AGPAT3: variants seen among roughly 807,000 people sequenced by gnomAD.
The protein encoded by AGPAT3 is 1-acylglycerol-3-phosphate O-acyltransferase 3, also known as 1-acyl-sn-glycerol-3-phosphate acyltransferase gamma.
In AGPAT3, 5 loss-of-function variants were observed where a neutral mutation model predicts 47.3. The ratio of observed to expected loss-of-function variants is 0.11; its 90% CI spans 0.06 to 0.22. The LOEUF is 0.22. Ranked by LOEUF, AGPAT3 falls within the 10% of genes least tolerant of loss-of-function variation. The pLI is 1.00. For synonymous variants in AGPAT3, 212 were observed against 208.3 expected (o/e 1.02, Z -0.15); for missense variants, 315 against 493.0 (o/e 0.64, Z 3.42).
intron 3 of AGPAT3, among the ~76,000 whole-genome samples, chr21:43,961,156 A>T (rs555585780): frequency 1.4e-4 from 22 of 151,876 alleles, no homozygotes; most frequent in South Asian, 4.2e-4. Context: ...AAAAAAAAAA[A>T]GAAAACAAAA....
chr21:43,970,760 G>A lies in AGPAT3; in HGVS notation c.618G>A (p.Pro206=), dbSNP rs116053971. ...CTGTCCTCAAGTACCACCTGCTGCCGCGGACCAAGGGCTTCACCACCGCAG... is the reference window on the plus strand; with the variant it reads ...CTGTCCTCAAGTACCACCTGCTGCCACGGACCAAGGGCTTCACCACCGCAG... ...GLPVLKYHLL[P]RTKGFTTAVK... is the part of the protein sequence containing the mutation. Residue 206 remains proline, a synonymous_variant, in exon 6 of 10, where the codon CCG becomes CCA. Transcript: ENST00000291572. The surrounding 1 kb of genome is among the most constrained non-coding windows in gnomAD (Gnocchi z 5.8). The A allele has an allele frequency of 4.0e-5, 65 of 1,608,130 alleles. No homozygotes were observed. The East Asian group carries it at 6.5e-4, about 16-fold the overall frequency.
chr21:43,874,964 C>T (rs1244340585), intron 1 of AGPAT3, among the ~76,000 whole-genome samples: 1 of 152,086 alleles, frequency 6.6e-6, no homozygotes, highest in Non-Finnish European at 1.5e-5. Context: ...AACCTGTGCA[C>T]ATTCTCCCAT....
At chr21:43,938,271 G>A (rs1179430241) in intron 2 of AGPAT3, among the ~76,000 whole-genome samples, 1 of 151,514 alleles carries the variant, frequency 6.6e-6, no homozygotes, top group African/African-American at 2.4e-5. Flanking sequence ...AACGTACTGA[G>A]GAACGTACTG....
At chr21:43,968,354 C>A (rs2089242266) in intron 4 of AGPAT3, among the ~76,000 whole-genome samples, 1 of 147,136 alleles carries the variant, frequency 6.8e-6, no homozygotes, top group African/African-American at 2.5e-5. Flanking sequence ...AGGGTGAGCA[C>A]CTTCCAGGGG....
At chr21:43,963,346 A>G (rs995066724) in intron 3 of AGPAT3, among the ~76,000 whole-genome samples, 4 of 152,172 alleles carry the variant, frequency 2.6e-5, no homozygotes, top group Non-Finnish European at 5.9e-5. Flanking sequence ...CAGGAAGCAC[A>G]TGTAGACCAA....
chr21:43,870,943 G>A (rs1470426573), intron 1 of AGPAT3, among the ~76,000 whole-genome samples: 5 of 152,256 alleles, frequency 3.3e-5, no homozygotes, highest in East Asian at 1.9e-4. Context: ...CTGACCACCC[G>A]CTACTGACCC....
intron 4 of AGPAT3, among the ~76,000 whole-genome samples, chr21:43,968,358 C>A (rs1342851309): frequency 6.7e-6 from 1 of 148,758 alleles, no homozygotes; most frequent in Non-Finnish European, 1.5e-5. Flanking sequence ...TGAGCACCTT[C>A]CAGGGGAGGT....
At position 43,971,496 on chromosome 21, in the gene AGPAT3, G is replaced by T. The variant is rs768451715; in HGVS notation, c.767+6G>T. Reference sequence around the variant, plus strand: ...GAGGCGGACATGTGCGTGAGGTGAGGCCAGACCCTGTGGCTCTCGCGCCGC... The same window carrying T: ...GAGGCGGACATGTGCGTGAGGTGAGTCCAGACCCTGTGGCTCTCGCGCCGC... On this transcript the variant is annotated splice_donor_region_variant and intron_variant, in intron 7 of 9. Transcript: ENST00000291572. 1 of 1,613,896 alleles carries T rather than the reference G, an allele frequency of 6.2e-7. No individual in the cohort carries two copies. The highest frequency in any genetic ancestry group is 1.1e-5 in the South Asian group (1 of 91,086).
At chr21:43,867,891 G>A (rs2085543275) in intron 1 of AGPAT3, 1 of 152,014 alleles carries the variant, frequency 6.6e-6, no homozygotes, top group Admixed American at 6.5e-5. Context: ...AGAGTGTTTG[G>A]GGTTTTAAAC....
chr21:43,972,535 C>T (rs1041251326), intron 7 of AGPAT3, among the ~76,000 whole-genome samples: 4 of 152,120 alleles, frequency 2.6e-5, no homozygotes, highest in South Asian at 2.1e-4. Flanking sequence ...ATGGGAGTGG[C>T]GTGTCTAGAC....
chr21:43,961,794 T>C (rs927602630), intron 3 of AGPAT3, among the ~76,000 whole-genome samples: 13 of 152,190 alleles, frequency 8.5e-5, no homozygotes, highest in African/African-American at 3.1e-4. Flanking sequence ...ATAGACACTT[T>C]GTCTCATATG....
At chr21:43,874,066 C>T (rs1224352084) in intron 1 of AGPAT3, among the ~76,000 whole-genome samples, 1 of 152,212 alleles carries the variant, frequency 6.6e-6, no homozygotes, top group Non-Finnish European at 1.5e-5. Flanking sequence ...GACAGAGTCT[C>T]CCTCTGTCAC....
At chr21:43,898,932 T>C (rs1461116741) in intron 1 of AGPAT3, among the ~76,000 whole-genome samples, 2 of 152,160 alleles carry the variant, frequency 1.3e-5, no homozygotes, top group Non-Finnish European at 2.9e-5. Flanking sequence ...TTCACGCTGG[T>C]CTCAAATTCC....
intron 2 of AGPAT3, among the ~76,000 whole-genome samples, chr21:43,921,126 A>G (rs143965645): frequency 7.3e-4 from 111 of 152,176 alleles, no homozygotes; most frequent in Non-Finnish European, 1.1e-3. Flanking sequence ...AAAACAAAAC[A>G]AGACAAAACA....
At chr21:43,959,547 C>T (rs548160270) in intron 2 of AGPAT3, 87 bp from the exon 3 acceptor site, 66 of 1,206,540 alleles carry the variant, frequency 5.5e-5, no homozygotes, top group Admixed American at 5.0e-4. Flanking sequence ...GAGGCATGTG[C>T]GGGGTGTGCA....
intron 2 of AGPAT3, among the ~76,000 whole-genome samples, chr21:43,919,036 G>C (rs879521239): frequency 2.6e-5 from 4 of 152,008 alleles, no homozygotes; most frequent in Non-Finnish European, 5.9e-5. Flanking sequence ...GGTGAAGTTT[G>C]TTTTTATTTC....
intron 1 of AGPAT3, among the ~76,000 whole-genome samples, chr21:43,900,983 C>A (rs995041492): frequency 6.6e-6 from 1 of 152,052 alleles, no homozygotes; most frequent in Non-Finnish European, 1.5e-5. Context: ...TACAGAAAAC[C>A]CAGAAGAAGA....
chr21:43,870,277 G>A (rs959519769), intron 1 of AGPAT3, among the ~76,000 whole-genome samples: 1 of 152,094 alleles, frequency 6.6e-6, no homozygotes, highest in Admixed American at 6.6e-5. Context: ...TAAATCAGGA[G>A]CTTATTACTA....
intron 2 of AGPAT3, among the ~76,000 whole-genome samples, chr21:43,945,645 A>G (rs1434896667): frequency 6.6e-6 from 1 of 151,856 alleles, no homozygotes; most frequent in Non-Finnish European, 1.5e-5. Context: ...CTGTGAGGTG[A>G]CACTCTGCAG....
Sources: gnomAD v4.1 joint callset for allele counts (sites outside exome capture counted in the v4.1 genomes callset) on GRCh38, gnomAD v4.1.1 for gene constraint, Gnocchi (gnomAD v3.1) non-coding constraint, MANE v1.5 for transcripts, NCBI Gene and HGNC (gene_info 2026-07-23, HGNC 2026-07-21) for gene names.